TSPAN6: variants seen among roughly 807,000 people sequenced by gnomAD.
The protein encoded by TSPAN6 is tetraspanin 6, also known as tetraspanin-6.
Under a neutral mutation model 18.0 loss-of-function variants are expected in TSPAN6, and 13 were observed. The ratio of observed to expected loss-of-function variants is 0.72; its 90% CI spans 0.47 to 1.15. TSPAN6 has a LOEUF of 1.15. Among genes scored for constraint, TSPAN6 ranks in the 50% most tolerant of loss-of-function variants. TSPAN6 has a pLI of 0.00. For synonymous variants in TSPAN6, 82 were observed against 67.0 expected (o/e 1.22, Z -1.09); for missense variants, 186 against 183.9 (o/e 1.01, Z -0.07).
In TSPAN6 at chrX:100,632,510, A is replaced by T. The variant is rs2083066636; in HGVS notation, c.644T>A (p.Ile215Asn). The change falls in exon 6 of 8, where the codon ATT becomes AAT. Residue 215 changes from isoleucine (I) to asparagine (N), a missense_variant. Coordinates refer to ENST00000373020, the MANE Select transcript of TSPAN6 (RefSeq NM_003270.4). Reference protein sequence around the residue: ...IESEMGVVAGISFGVACFQLI... With the variant: ...IESEMGVVAGNSFGVACFQLI... ...TTGGAAGCAAGCAACTCCAAAGGAAATTCCTGCAACGACTCCCATTTCTGA... is the reference window on the plus strand; with the variant it reads ...TTGGAAGCAAGCAACTCCAAAGGAATTTCCTGCAACGACTCCCATTTCTGA... 8.3e-7 allele frequency: 1 copy of T among 1,208,050 alleles called. No homozygotes were observed. Among genetic ancestry groups the T allele is most frequent in the East Asian group, 3.0e-5 (1 of 33,759 alleles).
chrX:100,636,237 T>C (rs995791179), intron 1 of TSPAN6: 19 of 812,630 alleles, frequency 2.3e-5, no homozygotes, highest in Non-Finnish European at 2.8e-5. Context: ...AAAGACACTA[T>C]TATGCAAGTG....
chrX:100,627,668 C>G lies in TSPAN6; in HGVS notation c.*2358G>C, dbSNP rs971961939. The G allele has an allele frequency of 8.9e-6, 1 of 112,004 alleles. No individual in the cohort carries two copies. Among genetic ancestry groups the G allele is most frequent in the Admixed American group, 9.5e-5 (1 of 10,560 alleles). The allele number at this position is 112,004 out of a possible 1,213,427, so 9.2% of individuals were successfully genotyped here. A position where few individuals can be genotyped will look rare whatever the true frequency, so the allele number is the denominator to read the frequency against. On this transcript the variant is annotated 3_prime_UTR_variant, in exon 8 of 8. Coordinates refer to ENST00000373020, the MANE Select transcript of TSPAN6 (RefSeq NM_003270.4). ...CACAAGCACACATCAGCTATAAGGGCGTTTTCTAACTGGCTATCCAAAATA... is the reference window on the plus strand; with the variant it reads ...CACAAGCACACATCAGCTATAAGGGGGTTTTCTAACTGGCTATCCAAAATA...
At chrX:100,633,280 C>T in intron 5 of TSPAN6, 125 bp downstream of exon 5, 3 of 646,525 alleles carry the variant, frequency 4.6e-6, no homozygotes, top group Non-Finnish European at 7.1e-6. Context: ...GAACGCGCCA[C>T]TGCACTCCAG....
In TSPAN6 at chrX:100,636,649, A is replaced by G; in HGVS notation, c.46T>C (p.Cys16Arg). The change falls in exon 1 of 8, where the codon TGT (cysteine) becomes CGT (arginine). Residue 16 changes from cysteine to arginine, a missense_variant. Physicochemically the swap from Cys to Arg is radical, Grantham distance 180. Coordinates refer to ENST00000373020, the MANE Select transcript of TSPAN6 (RefSeq NM_003270.4). Reference protein sequence around the residue: ...RRLQTKPVITCFKSVLLIYTF... With the variant: ...RRLQTKPVITRFKSVLLIYTF... ...TAGATTAGCAGAACGCTCTTGAAAC[A>G]AGTAATGACTGGTTTAGTCTGCAGT... The G allele has an allele frequency of 1.7e-6, 2 of 1,206,158 alleles. No homozygotes were observed. The highest frequency in any genetic ancestry group is 2.2e-6 in the Non-Finnish European group (2 of 892,767).
intron 3 of TSPAN6, among the ~76,000 whole-genome samples, chrX:100,634,375 C>T (rs2083080069): frequency 8.9e-6 from 1 of 112,062 alleles, no homozygotes; most frequent in Non-Finnish European, 1.9e-5. Flanking sequence ...TTGTAAGCTA[C>T]AAAACCTTAC....
rs1226625694 is a variant in TSPAN6 at position 100,630,723 on chromosome X, C to T, written c.*39+36G>A. The T allele has an allele frequency of 3.9e-6, 4 of 1,023,972 alleles. No individual in the cohort carries two copies. The African/African-American group carries it at 5.7e-5, about 15-fold the overall frequency. 84.4% of individuals were successfully genotyped at this position (1,023,972 alleles called of 1,213,427 possible). A position where few individuals can be genotyped will look rare whatever the true frequency, so the allele number is the denominator to read the frequency against. ...CACATACACAGGCTAGAATAAATAT[C>T]AACACTAACAGAGCTGAGGACCAAA... On this transcript the variant is annotated intron_variant, in intron 7 of 7. Transcript: ENST00000373020.
At chrX:100,632,926 T>TA (rs35792000) in intron 5 of TSPAN6, among the ~76,000 whole-genome samples, 45,154 of 107,640 alleles carry the variant, frequency 0.42, 7,273 homozygotes, top group East Asian at 0.75. Context: ...ACACTGTCTT[T>TA]AAAAAAAAAT....
At chrX:100,630,654 T>C (rs892775647) in intron 7 of TSPAN6, 105 bp downstream of exon 7, 1 of 556,587 alleles carries the variant, frequency 1.8e-6, no homozygotes, top group African/African-American at 2.3e-5. Flanking sequence ...TAGATTTAAA[T>C]ATATTACTAG....
intron 1 of TSPAN6, chrX:100,636,281 C>T: frequency 7.0e-6 from 6 of 853,325 alleles, no homozygotes; most frequent in Non-Finnish European, 8.5e-6. Context: ...CCTTGCTTGC[C>T]TTTGCAAAGG....
At position 100,627,669 on chromosome X, in the gene TSPAN6, GT is replaced by G. The variant is rs1214209261; in HGVS notation, c.*2356del. 4.5e-5 allele frequency: 5 copies of G among 112,022 alleles called. No homozygotes were observed. Among genetic ancestry groups the G allele is most frequent in the Non-Finnish European group, 9.4e-5 (5 of 53,254 alleles). 9.2% of individuals were successfully genotyped at this position (112,022 alleles called of 1,213,427 possible). A position where few individuals can be genotyped will look rare whatever the true frequency, so the allele number is the denominator to read the frequency against. On this transcript the variant is annotated 3_prime_UTR_variant, in exon 8 of 8. Transcript: ENST00000373020. ...ACAAGCACACATCAGCTATAAGGGCGTTTTCTAACTGGCTATCCAAAATAAA... is the reference window on the plus strand; with the variant it reads ...ACAAGCACACATCAGCTATAAGGGCGTTTCTAACTGGCTATCCAAAATAAA...
At chrX:100,635,832 C>A in intron 1 of TSPAN6, 86 bp from the exon 2 acceptor site, 6 of 752,198 alleles carry the variant, frequency 8.0e-6, no homozygotes, top group Admixed American at 4.0e-5. Flanking sequence ...ATTTAAGGCA[C>A]AATAGGTGTA....
chrX:100,627,600 T>C lies in TSPAN6; in HGVS notation c.*2426A>G, dbSNP rs1042470308. On this transcript the variant is annotated 3_prime_UTR_variant, in exon 8 of 8. Coordinates refer to ENST00000373020, the MANE Select transcript of TSPAN6 (RefSeq NM_003270.4). ...TTGTACCAGTTATCATTAGGTGAAATGTTTCCTCATTACTTTCAGAATTAA... is the reference window on the plus strand; with the variant it reads ...TTGTACCAGTTATCATTAGGTGAAACGTTTCCTCATTACTTTCAGAATTAA... 13 of 111,420 alleles carry C rather than the reference T, an allele frequency of 1.2e-4. No individual in the cohort carries two copies. The highest frequency in any genetic ancestry group is 1.9e-4 in the Non-Finnish European group (10 of 53,138). The allele number at this position is 111,420 out of a possible 1,213,427, so 9.2% of individuals were successfully genotyped here. A position where few individuals can be genotyped will look rare whatever the true frequency, so the allele number is the denominator to read the frequency against.
chrX:100,636,572 G>A (rs772046115), intron 1 of TSPAN6, 36 bp downstream of exon 1: 14 of 1,177,939 alleles, frequency 1.2e-5, no homozygotes, highest in Non-Finnish European at 1.5e-5. Context: ...AAAAGCCCGG[G>A]ATCCCCTGCC....
intron 3 of TSPAN6, among the ~76,000 whole-genome samples, chrX:100,634,915 T>C (rs1051011671): frequency 2.7e-5 from 3 of 112,563 alleles, no homozygotes; most frequent in African/African-American, 9.7e-5. Context: ...AGTTATAAAT[T>C]GTACTATCTC....
At chrX:100,634,571 A>G (rs1050972159) in intron 3 of TSPAN6, among the ~76,000 whole-genome samples, 6 of 109,983 alleles carry the variant, frequency 5.5e-5, no homozygotes, top group African/African-American at 2.0e-4. Context: ...GGCTCACTGC[A>G]AGCTCCATCT....
intron 6 of TSPAN6, 77 bp downstream of exon 6, chrX:100,632,405 CAAA>C: frequency 4.6e-6 from 3 of 645,864 alleles, no homozygotes; most frequent in Admixed American, 3.4e-5. Flanking sequence ...GACTCCATCT[CAAA>C]AAAAAAAAAG....
chrX:100,636,760 C>T lies in TSPAN6; in HGVS notation c.-66G>A. Reference sequence around the variant, plus strand: ...AACACAGAGAGCGAGACGCGGAGTCCCCGAGTCTCCCCGGAAACTGCCGAA... The same window carrying T: ...AACACAGAGAGCGAGACGCGGAGTCTCCGAGTCTCCCCGGAAACTGCCGAA... On this transcript the variant is annotated 5_prime_UTR_variant, in exon 1 of 8. Transcript: ENST00000373020. 9.3e-7 allele frequency: 1 copy of T among 1,077,008 alleles called. No homozygotes were observed. Among genetic ancestry groups the T allele is most frequent in the Non-Finnish European group, 1.2e-6 (1 of 814,036 alleles). The allele number at this position is 1,077,008 out of a possible 1,213,427, so 88.8% of individuals were successfully genotyped here.
intron 3 of TSPAN6, 147 bp from the exon 4 acceptor site, chrX:100,634,176 C>T (rs1016658837): frequency 2.4e-6 from 1 of 415,612 alleles, no homozygotes; most frequent in Non-Finnish European, 4.1e-6. Context: ...CAGTCCTGTC[C>T]TCTAAGGGGT....
chrX:100,635,767 TACAA>T (rs769299305), intron 1 of TSPAN6, 21 bp from the exon 2 acceptor site: 32 of 1,120,516 alleles, frequency 2.9e-5, no homozygotes, highest in Non-Finnish European at 3.5e-5. Flanking sequence ...ATTCAGAGAA[TACAA>T]ACAGTTACGC....
Sources: gnomAD v4.1 joint callset for allele counts (sites outside exome capture counted in the v4.1 genomes callset) on GRCh38, gnomAD v4.1.1 for gene constraint, MANE v1.5 for transcripts, NCBI Gene and HGNC (gene_info 2026-07-23, HGNC 2026-07-21) for gene names.